The following LMTK2 variants were observed in gnomAD, a reference collection of about 807,000 sequenced individuals.
LMTK2 encodes the protein serine/threonine-protein kinase LMTK2.
In LMTK2, 37 loss-of-function variants were observed where a neutral mutation model predicts 127.5. The observed-to-expected ratio is 0.29, with a 90% confidence interval of 0.22 to 0.38. The LOEUF (loss-of-function observed/expected upper bound fraction) is 0.38. LMTK2 is among the 10% of genes least tolerant of loss of function. LMTK2 has a pLI of 1.00. For missense variants in LMTK2, 1,694 were observed against 1,920.3 expected (o/e 0.88, Z 2.20); for synonymous variants, 819 against 810.1 (o/e 1.01, Z -0.19).
At chr7:98,150,321 A>AG in intron 3 of LMTK2, among the ~76,000 whole-genome samples, 1 of 151,696 alleles carries the variant, frequency 6.6e-6, no homozygotes, top group East Asian at 1.9e-4. Flanking sequence ...AAAAAAAAAA[A>AG]AGGAAAAATG....
At chr7:98,124,389 C>T (rs538057303) in intron 1 of LMTK2, among the ~76,000 whole-genome samples, 12 of 152,344 alleles carry the variant, frequency 7.9e-5, no homozygotes, top group Admixed American at 2.6e-4. Context: ...TGGCTCATGA[C>T]TGTTTCCCAG....
Position 98,160,088 on chromosome 7 carries a change from T to TA in LMTK2, c.657+667dup, listed in dbSNP as rs1232336994. 1.5e-4 allele frequency among the ~76,000 whole-genome samples: 23 copies of TA among 152,336 alleles called. No individual in the cohort carries two copies. The South Asian group carries it at 4.8e-3, about 32-fold the overall frequency. ...CGCATGCAGAATATTTCATCTTTTT[T>TA]AAAAGCCCATTTTTAGCATGTAATT... On this transcript the variant is annotated intron_variant, in intron 6 of 13. Transcript: ENST00000297293.
In LMTK2 at chr7:98,203,159, C is replaced by G. The variant is rs191583909; in HGVS notation, c.4108-415C>G. On this transcript the variant is annotated intron_variant, in intron 11 of 13. Coordinates refer to ENST00000297293, the MANE Select transcript of LMTK2 (RefSeq NM_014916.4). ...TTTCTGAGCATCAGAAGACCCCCTT[C>G]CTGCTCCGAAGCCAGAACCAAGGGC... is the stretch of plus-strand genomic sequence containing the variant. Among the ~76,000 whole-genome samples the G allele has an allele frequency of 2.6e-3, 394 of 152,362 alleles. 12 individuals carry two copies. Among genetic ancestry groups the G allele is most frequent in the Admixed American group, 0.024 (370 of 15,306 alleles).
At chr7:98,182,700 A>T (rs1797372356) in intron 7 of LMTK2, among the ~76,000 whole-genome samples, 1 of 152,246 alleles carries the variant, frequency 6.6e-6, no homozygotes, top group African/African-American at 2.4e-5. Flanking sequence ...TTGAAAATAG[A>T]ATTTCCATGT....
At chr7:98,112,169 A>G (rs556010831) in intron 1 of LMTK2, among the ~76,000 whole-genome samples, 1 of 152,310 alleles carries the variant, frequency 6.6e-6, no homozygotes, top group South Asian at 2.1e-4. Flanking sequence ...AGAGAGATGA[A>G]TGTGACTGAC....
rs1797827306 is a variant in LMTK2 at position 98,207,589 on chromosome 7, T to C, written c.*2097T>C. 1 of 152,040 alleles carries C rather than the reference T, an allele frequency of 6.6e-6. No individual in the cohort carries two copies. The highest frequency in any genetic ancestry group is 2.4e-5 in the African/African-American group (1 of 41,384). 9.4% of individuals were successfully genotyped at this position (152,040 alleles called of 1,614,324 possible). A position where few individuals can be genotyped will look rare whatever the true frequency, so the allele number is the denominator to read the frequency against. ...ACTCTGAATTCTTGCTGTGGGGACT[T>C]CCTGAGTTTTCTCAGTTTTTACATC... On this transcript the variant is annotated 3_prime_UTR_variant, in exon 14 of 14. Coordinates refer to ENST00000297293, the MANE Select transcript of LMTK2 (RefSeq NM_014916.4).
intron 11 of LMTK2, among the ~76,000 whole-genome samples, chr7:98,200,143 T>C (rs1202174371): frequency 2.0e-5 from 3 of 152,182 alleles, no homozygotes; most frequent in African/African-American, 4.8e-5. Flanking sequence ...GGGGTTACAA[T>C]GTATGTATTA....
rs201552762 is a variant in LMTK2, at chr7:98,191,930, C to T, written c.1465C>T (p.Arg489Cys). 127 of 1,614,146 alleles carry T rather than the reference C, an allele frequency of 7.9e-5. No homozygotes were observed. In the Middle Eastern group the frequency reaches 1.2e-3, roughly 15 times the overall value. ...CGCTAAGCACGACCACTTTGACGAG[C>T]GCAGCCGGGGCCACCTGGACGAAGG... The part of the protein sequence containing the change: ...EAAKHDHFDE[R>C]SRGHLDEGLS... The change falls in exon 11 of 14, where the codon CGC (arginine) becomes TGC (cysteine). Residue 489 changes from arginine (R) to cysteine (C), a missense_variant. Arg to Cys is a radical substitution (Grantham distance 180, BLOSUM62 -3). Around this residue, in one of 8 missense-constraint regions of LMTK2, gnomAD observed 216 missense variants for 266.8 expected, o/e 0.81. Coordinates refer to ENST00000297293, the MANE Select transcript of LMTK2 (RefSeq NM_014916.4).
intron 1 of LMTK2, among the ~76,000 whole-genome samples, chr7:98,129,312 G>T (rs1044406077): frequency 6.6e-6 from 1 of 152,024 alleles, no homozygotes; most frequent in Non-Finnish European, 1.5e-5. Context: ...CAAGCACTGG[G>T]ATTACAGGCA....
intron 9 of LMTK2, among the ~76,000 whole-genome samples, chr7:98,188,489 G>A (rs1357671563): frequency 6.6e-6 from 1 of 152,054 alleles, no homozygotes; most frequent in East Asian, 1.9e-4. Flanking sequence ...GTAGAGACGA[G>A]GTCATGCTGT....
intron 1 of LMTK2, among the ~76,000 whole-genome samples, chr7:98,110,914 T>G (rs1487747832): frequency 6.6e-6 from 1 of 152,244 alleles, no homozygotes; most frequent in African/African-American, 2.4e-5. Flanking sequence ...CAGACTTGTA[T>G]TTTGAAAAAG....
intron 1 of LMTK2, among the ~76,000 whole-genome samples, chr7:98,133,325 T>C: frequency 6.6e-6 from 1 of 152,172 alleles, no homozygotes; most frequent in Non-Finnish European, 1.5e-5. Flanking sequence ...TTCTAACAGC[T>C]GCAGTCAGGA....
At position 98,193,049 on chromosome 7, in the gene LMTK2, G is replaced by C; in HGVS notation, c.2584G>C (p.Ala862Pro). The change falls in exon 11 of 14, where the codon GCT (alanine) becomes CCT (proline). Residue 862 changes from alanine (A) to proline (P), a missense_variant. This residue lies in a region of LMTK2 where 527 missense variants were observed against 539.8 expected (regional missense o/e 0.98). Coordinates refer to ENST00000297293, the MANE Select transcript of LMTK2 (RefSeq NM_014916.4). This position sits in a 1 kb window ranked among gnomAD's most constrained non-coding sequence, Gnocchi z 4.1. The part of the protein sequence containing the change: ...DCLHQDISPD[A>P]VTVPVEILST... ...TCTCCACCAGGACATCAGTCCAGACGCTGTGACTGTCCCGGTTGAAATTCT... is the reference window on the plus strand; with the variant it reads ...TCTCCACCAGGACATCAGTCCAGACCCTGTGACTGTCCCGGTTGAAATTCT... 6.2e-7 allele frequency: 1 copy of C among 1,613,942 alleles called. No homozygotes were observed. The highest frequency in any genetic ancestry group is 1.1e-5 in the South Asian group (1 of 91,070).
In LMTK2 at chr7:98,106,863, T is replaced by A. The variant is rs1158914145; in HGVS notation, c.-315T>A. On this transcript the variant is annotated 5_prime_UTR_variant, in exon 1 of 14. Coordinates refer to ENST00000297293, the MANE Select transcript of LMTK2 (RefSeq NM_014916.4). ...CACGACATCCCGCCCCCGCGCTACG[T>A]CACATGACGCAGCCCATCATGGCGG... 3 of 432,496 alleles carry A rather than the reference T, an allele frequency of 6.9e-6. No individual in the cohort carries two copies. Among genetic ancestry groups the A allele is most frequent in the East Asian group, 3.6e-5 (1 of 28,090 alleles). The allele number at this position is 432,496 out of a possible 1,614,324, so 26.8% of individuals were successfully genotyped here.
intron 1 of LMTK2, among the ~76,000 whole-genome samples, chr7:98,128,595 G>A (rs756141663): frequency 2.0e-5 from 3 of 152,198 alleles, no homozygotes; most frequent in Non-Finnish European, 4.4e-5. Context: ...ATCTTAGATG[G>A]CACCAATTAA....
chr7:98,139,084 G>C (rs886364878), intron 2 of LMTK2, among the ~76,000 whole-genome samples: 1 of 152,158 alleles, frequency 6.6e-6, no homozygotes, highest in African/African-American at 2.4e-5. Flanking sequence ...CATCCAGATA[G>C]CCAGCAGCAA....
At chr7:98,147,927 T>G (rs917630377) in intron 3 of LMTK2, among the ~76,000 whole-genome samples, 1 of 152,172 alleles carries the variant, frequency 6.6e-6, no homozygotes, top group African/African-American at 2.4e-5. Flanking sequence ...GTAAAGTCTT[T>G]TCTAGGCCGG....
intron 7 of LMTK2, among the ~76,000 whole-genome samples, chr7:98,172,533 A>T (rs1562913930): frequency 6.6e-6 from 1 of 152,186 alleles, no homozygotes; most frequent in East Asian, 1.9e-4. Context: ...CTGTGAACCC[A>T]AAAGGAGATT....
At chr7:98,187,182 A>G (rs1797448507) in intron 9 of LMTK2, among the ~76,000 whole-genome samples, 184 bp downstream of exon 9, 1 of 152,238 alleles carries the variant, frequency 6.6e-6, no homozygotes, top group Non-Finnish European at 1.5e-5. Context: ...TGATGGAGTT[A>G]ACGTTTTGAA....
Sources: gnomAD v4.1 joint callset for allele counts (sites outside exome capture counted in the v4.1 genomes callset) on GRCh38, gnomAD v4.1.1 for gene constraint, gnomAD v4.1.1 regional missense constraint, Gnocchi (gnomAD v3.1) non-coding constraint, MANE v1.5 for transcripts, NCBI Gene and HGNC (gene_info 2026-07-23, HGNC 2026-07-21) for gene names.